The following DMD variants were observed in gnomAD, a reference collection of about 807,000 sequenced individuals.
The protein encoded by DMD is dystrophin.
DMD carries 63 observed loss-of-function variants against 330.1 expected under a neutral mutation model. The ratio of observed to expected loss-of-function variants is 0.19; its 90% confidence interval spans 0.16 to 0.24. DMD has a LOEUF of 0.24. DMD is among the 10% of genes least tolerant of loss of function. The probability of loss-of-function intolerance (pLI) is 1.00; values close to 1 mark genes in which losing one functional copy is unlikely to be tolerated. For missense variants in DMD, 3,344 were observed against 2,684.1 expected (o/e 1.25, Z -5.43); for synonymous variants, 1,223 against 959.8 (o/e 1.27, Z -5.07).
chrX:31,932,359 T>G, intron 45 of DMD, 132 bp from the exon 46 acceptor site: 2 of 487,818 alleles, frequency 4.1e-6, no homozygotes, highest in Non-Finnish European at 3.4e-6. Context: ...ATACATAATT[T>G]AAGAAAATTC....
chrX:31,854,972 C>A (rs1433798874), intron 48 of DMD, among the ~76,000 whole-genome samples: 2 of 111,750 alleles, frequency 1.8e-5, no homozygotes, highest in African/African-American at 3.3e-5. Flanking sequence ...CCCCTGGAAT[C>A]ATCTGTGGTA....
chrX:31,603,252 T>C (rs1272688217), intron 55 of DMD, among the ~76,000 whole-genome samples: 1 of 111,213 alleles, frequency 9.0e-6, no homozygotes, highest in South Asian at 3.8e-4. Context: ...TAAATCAATA[T>C]TGTTGTTATT....
At chrX:32,506,420 T>TAAAA (rs57359370) in intron 18 of DMD, among the ~76,000 whole-genome samples, 1 of 71,490 alleles carries the variant, frequency 1.4e-5, no homozygotes, top group Non-Finnish European at 2.8e-5. Context: ...TACAAAATGC[T>TAAAA]AAAAAAAAAA....
chrX:32,832,649 T>C (rs1377153519), intron 4 of DMD, among the ~76,000 whole-genome samples: 2 of 111,697 alleles, frequency 1.8e-5, no homozygotes, highest in Non-Finnish European at 3.8e-5. Flanking sequence ...AGATAAAAAA[T>C]ACAGGAAAGG....
chrX:31,258,090 A>C (rs1202070240), intron 63 of DMD, among the ~76,000 whole-genome samples: 1 of 112,687 alleles, frequency 8.9e-6, no homozygotes, highest in Admixed American at 9.4e-5. Flanking sequence ...TTCATAGGTA[A>C]AACTATCAAT....
At chrX:32,039,731 T>C (rs1339872596) in intron 44 of DMD, among the ~76,000 whole-genome samples, 1 of 112,017 alleles carries the variant, frequency 8.9e-6, no homozygotes, top group Non-Finnish European at 1.9e-5. Context: ...GTTCCTGAAA[T>C]AGATCTCAAA....
At chrX:33,044,937 G>C (rs2094356664) in intron 1 of DMD, among the ~76,000 whole-genome samples, 1 of 111,514 alleles carries the variant, frequency 9.0e-6, no homozygotes, top group African/African-American at 3.3e-5. Context: ...AAGAGGATTT[G>C]GGGTAAAATA....
chrX:31,822,653 G>GGTGTGTGTGTGC (rs2092792981), intron 49 of DMD, among the ~76,000 whole-genome samples: 1 of 65,809 alleles, frequency 1.5e-5, no homozygotes, highest in East Asian at 6.1e-4. Flanking sequence ...AAGGCAGAGG[G>GGTGTGTGTGTGC]GTGTGTGTGT....
chrX:31,689,918 T>C (rs2082990278), intron 52 of DMD, among the ~76,000 whole-genome samples: 1 of 111,974 alleles, frequency 8.9e-6, no homozygotes, highest in Non-Finnish European at 1.9e-5. Context: ...GCTAGCCATA[T>C]GTAGAGAGCT....
chrX:32,336,509 C>T (rs183841762), intron 41 of DMD, among the ~76,000 whole-genome samples: 1 of 111,895 alleles, frequency 8.9e-6, no homozygotes, highest in Non-Finnish European at 1.9e-5. Flanking sequence ...TCATATTCAT[C>T]TTTTACCACC....
chrX:31,892,620 T>A (rs2094272511), intron 47 of DMD, among the ~76,000 whole-genome samples: 1 of 112,132 alleles, frequency 8.9e-6, no homozygotes, highest in African/African-American at 3.2e-5. Context: ...TATAGCCTAC[T>A]ACACACCTAG....
At chrX:31,869,041 G>GTATT (rs1893047506) in intron 48 of DMD, among the ~76,000 whole-genome samples, 1 of 110,923 alleles carries the variant, frequency 9.0e-6, no homozygotes, top group Admixed American at 9.6e-5. Flanking sequence ...GAGAGTAGTA[G>GTATT]TATTTTGTGG....
In DMD at chrX:31,435,275, C is replaced by T. The variant is rs762051468; in HGVS notation, c.9084+9206G>A. Among the ~76,000 whole-genome samples, 10 of 111,924 alleles carry T rather than the reference C, an allele frequency of 8.9e-5. No homozygotes were observed. The South Asian group carries it at 3.7e-3, about 42-fold the overall frequency. ...ACTATTAATCTCAGTAAGCGTAATGCTCACTAAAATTATTTTCAAATTTAT... is the reference window on the plus strand; with the variant it reads ...ACTATTAATCTCAGTAAGCGTAATGTTCACTAAAATTATTTTCAAATTTAT... On this transcript the variant is annotated intron_variant, in intron 60 of 78. Transcript: ENST00000357033.
At chrX:31,484,051 G>A (rs2068597575) in intron 57 of DMD, among the ~76,000 whole-genome samples, 1 of 111,003 alleles carries the variant, frequency 9.0e-6, no homozygotes, top group Non-Finnish European at 1.9e-5. Context: ...CAATTTTTCA[G>A]TATCTAATAA....
At chrX:32,133,312 T>C (rs1039151766) in intron 44 of DMD, among the ~76,000 whole-genome samples, 2 of 110,785 alleles carry the variant, frequency 1.8e-5, no homozygotes, top group African/African-American at 6.6e-5. Flanking sequence ...GGCTGATCAT[T>C]CCTTTTCATT....
intron 2 of DMD, among the ~76,000 whole-genome samples, chrX:32,930,770 T>C (rs772655437): frequency 2.2e-4 from 24 of 110,358 alleles, no homozygotes; most frequent in African/African-American, 7.2e-4. Flanking sequence ...TCTCAAATAT[T>C]ACCCCATTCC....
chrX:32,410,890 C>G (rs1289173189), intron 30 of DMD, among the ~76,000 whole-genome samples: 1 of 111,946 alleles, frequency 8.9e-6, no homozygotes, highest in Non-Finnish European at 1.9e-5. Context: ...TTTTAATTCT[C>G]ATTCTAGAAA....
chrX:31,831,244 C>A (rs1222206631), intron 49 of DMD, among the ~76,000 whole-genome samples: 1 of 112,119 alleles, frequency 8.9e-6, no homozygotes, highest in African/African-American at 3.2e-5. Context: ...TTACAAATAA[C>A]TTAGCAAGGT....
rs941855918 is a variant in DMD, at chrX:32,923,876, T to C, written c.94-74056A>G. 2.7e-5 allele frequency among the ~76,000 whole-genome samples: 3 copies of C among 111,775 alleles called. No homozygotes were observed. The Admixed American group carries it at 2.9e-4, about 11-fold the overall frequency. ...TAGGAAAAGATACCCAAGACAGAAA[T>C]ACATTTAAAATAAGATAGATTATCA... On this transcript the variant is annotated intron_variant, in intron 2 of 78. Transcript: ENST00000357033.
Sources: gnomAD v4.1 joint callset for allele counts (sites outside exome capture counted in the v4.1 genomes callset) on GRCh38, gnomAD v4.1.1 for gene constraint, MANE v1.5 for transcripts, NCBI Gene and HGNC (gene_info 2026-07-23, HGNC 2026-07-21) for gene names.